The following LRP1B variants were observed in gnomAD, a reference collection of about 807,000 sequenced individuals.
The protein encoded by LRP1B is low-density lipoprotein receptor-related protein 1B.
LRP1B carries 217 observed loss-of-function variants against 556.6 expected under a neutral mutation model. The observed-to-expected ratio is 0.39, with a 90% confidence interval of 0.35 to 0.44. LRP1B has a LOEUF of 0.44. Ranked by LOEUF, LRP1B falls within the 20% of genes least tolerant of loss-of-function variation. The pLI is 1.00. For missense variants in LRP1B, 5,053 were observed against 5,620.8 expected, an observed-to-expected ratio of 0.90 and a Z score of 3.23; for synonymous variants, 2,047 against 1,865.8, an observed-to-expected ratio of 1.10 and a Z score of -2.50.
chr2:141,088,095 T>C (rs1700090466), intron 7 of LRP1B, among the ~76,000 whole-genome samples: 1 of 152,174 alleles, frequency 6.6e-6, no homozygotes, highest in African/African-American at 2.4e-5. Flanking sequence ...TTCTTTTTTT[T>C]TGAACATGTT....
chr2:141,244,777 G>T (rs888017773), intron 5 of LRP1B, among the ~76,000 whole-genome samples: 4 of 152,056 alleles, frequency 2.6e-5, no homozygotes, highest in African/African-American at 9.7e-5. Flanking sequence ...GAACTTGCCA[G>T]TGTTTGTTAT....
Position 141,977,564 on chromosome 2 carries a change from A to AAATTTTC in LRP1B, c.82+153083_82+153084insGAAAATT, listed in dbSNP as rs1701921850. 9.2e-5 allele frequency among the ~76,000 whole-genome samples: 14 copies of AAATTTTC among 152,282 alleles called. No homozygotes were observed. In the South Asian group the frequency reaches 2.3e-3, roughly 25 times the overall value. On this transcript the variant is annotated intron_variant, in intron 1 of 90. Coordinates refer to ENST00000389484, the MANE Select transcript of LRP1B (RefSeq NM_018557.3). Reference sequence around the variant, plus strand: ...GTGACAGAGCAAGACTTCATCTCAAAAAAAAGTGATTCCTACCTTTCAAAA... The same window carrying AAATTTTC: ...GTGACAGAGCAAGACTTCATCTCAAAAATTTTCAAAAAGTGATTCCTACCTTTCAAAA...
At chr2:141,007,704 T>C (rs1288332851) in intron 14 of LRP1B, among the ~76,000 whole-genome samples, 1 of 151,712 alleles carries the variant, frequency 6.6e-6, no homozygotes, top group Non-Finnish European at 1.5e-5. Flanking sequence ...TTTTGAGAAA[T>C]ATATAAAGAA....
chr2:142,041,738 T>G (rs746491725), intron 1 of LRP1B, among the ~76,000 whole-genome samples: 59 of 151,628 alleles, frequency 3.9e-4, no homozygotes, highest in South Asian at 1.0e-3. Flanking sequence ...CACAGTTCAC[T>G]GGGAAGTAGG....
intron 63 of LRP1B, among the ~76,000 whole-genome samples, chr2:140,450,180 A>C (rs1458671055): frequency 6.6e-6 from 1 of 152,194 alleles, no homozygotes; most frequent in East Asian, 1.9e-4. Flanking sequence ...ACTTAAAGAT[A>C]AGATTTCAGT....
chr2:142,102,255 G>T (rs1706592556), intron 1 of LRP1B, among the ~76,000 whole-genome samples: 1 of 151,784 alleles, frequency 6.6e-6, no homozygotes, highest in African/African-American at 2.4e-5. Flanking sequence ...GAACCAATTT[G>T]TACCCCAATC....
intron 35 of LRP1B, among the ~76,000 whole-genome samples, chr2:140,762,470 GTTTT>G (rs200198732): frequency 6.6e-6 from 1 of 151,638 alleles, no homozygotes; most frequent in Non-Finnish European, 1.5e-5. Context: ...AATATTAAGG[GTTTT>G]TTTTGTTATT....
chr2:141,169,105 G>T (rs1680384059), intron 7 of LRP1B, among the ~76,000 whole-genome samples: 1 of 151,674 alleles, frequency 6.6e-6, no homozygotes, highest in Non-Finnish European at 1.5e-5. Flanking sequence ...AACCGACATG[G>T]TGAAACCCTG....
In LRP1B at chr2:141,326,452, A is replaced by C. The variant is rs1687432715; in HGVS notation, c.344-71811T>G. On this transcript the variant is annotated intron_variant, in intron 3 of 90. Transcript: ENST00000389484. ...AGCATGGCCACGGAAAGAAAGTGGA[A>C]ATGATTAGGATGGACAGAATGAAAG... Among the ~76,000 whole-genome samples the C allele has an allele frequency of 2.0e-5, 3 of 152,138 alleles. No homozygotes were observed. The South Asian group carries it at 6.2e-4, about 31-fold the overall frequency.
chr2:141,570,192 C>G (rs142843710), intron 2 of LRP1B, among the ~76,000 whole-genome samples: 1 of 151,048 alleles, frequency 6.6e-6, no homozygotes, highest in African/African-American at 2.4e-5. Context: ...TCACCCCCAA[C>G]GAAGGCCTCT....
intron 47 of LRP1B, 82 bp downstream of exon 47, chr2:140,533,939 G>A: frequency 6.7e-7 from 1 of 1,489,220 alleles, no homozygotes; most frequent in Non-Finnish European, 9.2e-7. Flanking sequence ...ATATGCCACA[G>A]AGCTCTCAGA....
rs559488297 is a variant in LRP1B, at chr2:141,099,322, C to T, written c.1014-37049G>A. Among the ~76,000 whole-genome samples the T allele has an allele frequency of 2.4e-4, 36 of 152,208 alleles. No homozygotes were observed. The South Asian group carries it at 4.1e-3, about 18-fold the overall frequency. Reference sequence around the variant, plus strand: ...ATAGATCAAGCAATTTAGACCACCACGTTAATTTCTTTCTAGTGAAATATT... The same window carrying T: ...ATAGATCAAGCAATTTAGACCACCATGTTAATTTCTTTCTAGTGAAATATT... On this transcript the variant is annotated intron_variant, in intron 7 of 90. Coordinates refer to ENST00000389484, the MANE Select transcript of LRP1B (RefSeq NM_018557.3).
intron 2 of LRP1B, among the ~76,000 whole-genome samples, chr2:141,747,650 TTAAA>T (rs1291413506): frequency 6.6e-6 from 1 of 152,152 alleles, no homozygotes; most frequent in Non-Finnish European, 1.5e-5. Flanking sequence ...TCTAATTAGA[TTAAA>T]TAAGCCTTCT....
intron 82 of LRP1B, among the ~76,000 whole-genome samples, chr2:140,315,667 A>T (rs1011498195): frequency 7.9e-5 from 12 of 152,200 alleles, no homozygotes; most frequent in African/African-American, 2.9e-4. Flanking sequence ...TCTTCCTTAT[A>T]ATATGGACAA....
At chr2:140,234,762 A>T (rs554644680) in intron 90 of LRP1B, 24 bp downstream of exon 90, 1 of 770,716 alleles carries the variant, frequency 1.3e-6, no homozygotes, top group Non-Finnish European at 2.4e-6. Flanking sequence ...AACGGACATG[A>T]AATAACGAAT....
intron 35 of LRP1B, among the ~76,000 whole-genome samples, chr2:140,760,385 C>T (rs924272278): frequency 2.0e-5 from 3 of 152,144 alleles, no homozygotes; most frequent in Non-Finnish European, 2.9e-5. Flanking sequence ...TGACAACTAA[C>T]AATGTTTCCA....
intron 56 of LRP1B, among the ~76,000 whole-genome samples, chr2:140,494,259 C>T (rs1457165863): frequency 6.6e-6 from 1 of 152,042 alleles, no homozygotes; most frequent in Non-Finnish European, 1.5e-5. Context: ...CTACACAATC[C>T]TTTATTAATG....
chr2:141,271,140 G>T (rs892728351), intron 3 of LRP1B, among the ~76,000 whole-genome samples: 4 of 151,794 alleles, frequency 2.6e-5, no homozygotes. Flanking sequence ...GGGTTTCATA[G>T]TACATTTTAA....
chr2:140,915,637 G>A (rs1222102669), intron 21 of LRP1B, among the ~76,000 whole-genome samples: 1 of 139,236 alleles, frequency 7.2e-6, no homozygotes, highest in Non-Finnish European at 1.5e-5. Flanking sequence ...GGGCAACAGA[G>A]CAAGACTTTG....
Sources: allele counts gnomAD v4.1 joint callset (sites outside exome capture counted in the v4.1 genomes callset), GRCh38; gene constraint gnomAD v4.1.1; transcripts MANE v1.5; gene names NCBI Gene and HGNC (gene_info 2026-07-23, HGNC 2026-07-21).